Variants in VARS1 observed in about 807,000 individuals in gnomAD.
VARS1 encodes the protein valine--tRNA ligase.
VARS1 carries 92 observed loss-of-function variants against 161.0 expected under a neutral mutation model. The ratio of observed to expected loss-of-function variants is 0.57; its 90% CI spans 0.48 to 0.68. The LOEUF (loss-of-function observed/expected upper bound fraction) is 0.68, where lower values mean the gene tolerates loss of function less well. Among genes scored for constraint, VARS1 ranks in the 30% least tolerant of loss-of-function variants. The pLI is 0.00. For missense variants in VARS1, 1,338 were observed against 1,695.9 expected, an observed-to-expected ratio of 0.79 and a Z score of 3.71; for synonymous variants, 595 against 682.5, an observed-to-expected ratio of 0.87 and a Z score of 2.00.
In VARS1 at chr6:31,791,795, T is replaced by C; in HGVS notation, c.973-58A>G. The C allele has an allele frequency of 6.2e-7, 1 of 1,612,914 alleles. No homozygotes were observed. The highest frequency in any genetic ancestry group is 1.1e-5 in the South Asian group (1 of 91,086). On this transcript the variant is annotated intron_variant, in intron 7 of 29. Coordinates refer to ENST00000375663, the MANE Select transcript of VARS1 (RefSeq NM_006295.3). The surrounding 1 kb of genome is among the most constrained non-coding windows in gnomAD (Gnocchi z 5.0). ...GCCTCAGGTCACCTCTCCCAGCCCCTCCCAGGCAACACATCCTTCAGTCCT... is the reference window on the plus strand; with the variant it reads ...GCCTCAGGTCACCTCTCCCAGCCCCCCCCAGGCAACACATCCTTCAGTCCT...
At chr6:31,789,455 C>T (rs1015588632) in intron 8 of VARS1, among the ~76,000 whole-genome samples, 1 of 152,102 alleles carries the variant, frequency 6.6e-6, no homozygotes, top group Non-Finnish European at 1.5e-5. Context: ...TTAGGCAACC[C>T]TAATGCTCAG....
chr6:31,792,280 T>C lies in VARS1; in HGVS notation c.808A>G (p.Arg270Gly), dbSNP rs778150970. 6.2e-7 allele frequency: 1 copy of C among 1,613,906 alleles called. No homozygotes were observed. Among genetic ancestry groups the C allele is most frequent in the South Asian group, 1.1e-5 (1 of 91,064 alleles). ...ATGACCCCAGGATCCCGTTTCTCCC[T>C]CTTCTCTGGTTTTGGTTTCTTCTGC... ...PGEKKPKPEKREKRDPGVITY... is the reference protein window; with the variant it reads ...PGEKKPKPEKGEKRDPGVITY... The change falls in exon 6 of 30, where the codon AGG becomes GGG. Residue 270 changes from arginine (R) to glycine (G), a missense_variant. By Grantham distance (125) the Arg-to-Gly change is moderately radical. Coordinates refer to ENST00000375663, the MANE Select transcript of VARS1 (RefSeq NM_006295.3).
At position 31,780,025 on chromosome 6, in the gene VARS1, C is replaced by A. The variant is rs1813027987; in HGVS notation, c.3054G>T (p.Trp1018Cys). The change falls in exon 26 of 30, where the codon TGG becomes TGT. Residue 1018 changes from tryptophan (W) to cysteine (C), a missense_variant. Coordinates refer to ENST00000375663, the MANE Select transcript of VARS1 (RefSeq NM_006295.3). This position sits in a 1 kb window ranked among gnomAD's most constrained non-coding sequence, Gnocchi z 5.1. ...PAVTTAQYSFWLYELCDVYLE... is the reference protein window; with the variant it reads ...PAVTTAQYSFCLYELCDVYLE... ...AGTAGACATCACAGAGCTCATAGAG[C>A]CAGAAGCTGTACTGGGCAGTGGTGA... 6.2e-7 allele frequency: 1 copy of A among 1,613,922 alleles called. No homozygotes were observed. The highest frequency in any genetic ancestry group is 8.5e-7 in the Non-Finnish European group (1 of 1,180,026).
At position 31,782,639 on chromosome 6, in the gene VARS1, T is replaced by C; in HGVS notation, c.1888-6A>G. 6.2e-7 allele frequency: 1 copy of C among 1,612,984 alleles called. No individual in the cohort carries two copies. Among genetic ancestry groups the C allele is most frequent in the Non-Finnish European group, 8.5e-7 (1 of 1,180,000 alleles). On this transcript the variant is annotated splice_region_variant and splice_polypyrimidine_tract_variant and intron_variant, in intron 15 of 29. Transcript: ENST00000375663. The surrounding 1 kb of genome is among the most constrained non-coding windows in gnomAD (Gnocchi z 8.3). ...GCCTCAAACCTGGGCAGGCCCTGGG[T>C]AGGAATGAGGCCTCATCATGGCGAT...
In VARS1 at chr6:31,791,731, T is replaced by C; in HGVS notation, c.979A>G (p.Asn327Asp). 1.2e-6 allele frequency: 2 copies of C among 1,612,972 alleles called. No homozygotes were observed. The highest frequency in any genetic ancestry group is 8.5e-7 in the Non-Finnish European group (1 of 1,179,988). Residue 327 changes from asparagine to aspartate, a missense_variant, in exon 8 of 30, where the codon AAT becomes GAT. Physicochemically the swap from Asn to Asp is conservative, Grantham distance 23. Transcript: ENST00000375663. This position sits in a 1 kb window ranked among gnomAD's most constrained non-coding sequence, Gnocchi z 5.0. ...CCTCGGGGATTTGCTGCTGACACATTAGGACGCTGATGGTGGAGAAGGATG... is the reference window on the plus strand; with the variant it reads ...CCTCGGGGATTTGCTGCTGACACATCAGGACGCTGATGGTGGAGAAGGATG... ...GFFKPEYGRPNVSAANPRGVF... is the reference protein window; with the variant it reads ...GFFKPEYGRPDVSAANPRGVF...
chr6:31,792,592 G>T (rs569263721), intron 4 of VARS1, 76 bp from the exon 5 acceptor site: 1 of 1,607,236 alleles, frequency 6.2e-7, no homozygotes, highest in Non-Finnish European at 8.5e-7. Flanking sequence ...TTCAGATGGG[G>T]TATTTTAGAT....
rs145442830 is a variant in VARS1 at position 31,781,881 on chromosome 6, G to A, written c.2313C>T (p.Phe771=). 22 of 1,612,812 alleles carry A rather than the reference G, an allele frequency of 1.4e-5. No individual in the cohort carries two copies. Among genetic ancestry groups the A allele is most frequent in the South Asian group, 5.5e-5 (5 of 91,086 alleles). ...AEAREKAAKE[F]GVSPDKISLQ... ...GACTGATCTTGTCAGGGGACACTCC[G>A]AACTCCTTGGCTGCCTTCTCCCGGG... The change falls in exon 19 of 30, where the codon TTC becomes TTT. Residue 771 remains phenylalanine (F), a synonymous_variant. Transcript: ENST00000375663. This position sits in a 1 kb window ranked among gnomAD's most constrained non-coding sequence, Gnocchi z 6.8.
Position 31,779,486 on chromosome 6 carries a change from G to A in VARS1, c.3339C>T (p.Ser1113=), listed in dbSNP as rs569673170. 2.1e-5 allele frequency: 34 copies of A among 1,612,766 alleles called. No homozygotes were observed. In the South Asian group the frequency reaches 3.4e-4, roughly 16 times the overall value. The change falls in exon 28 of 30, where the codon AGC becomes AGT. Residue 1113 remains serine, a synonymous_variant. Coordinates refer to ENST00000375663, the MANE Select transcript of VARS1 (RefSeq NM_006295.3). The surrounding 1 kb of genome is among the most constrained non-coding windows in gnomAD (Gnocchi z 9.1). Reference sequence around the variant, plus strand: ...GCAGGGAGCGCACGGCTCGCGTGATGCTTAGCGCCAGCTCAAGGGCGGCTT... The same window carrying A: ...GCAGGGAGCGCACGGCTCGCGTGATACTTAGCGCCAGCTCAAGGGCGGCTT... ...EAEAALELAL[S]ITRAVRSLRA... is the part of the protein sequence containing the mutation.
rs1287489465 is a variant in VARS1, at chr6:31,781,477, G to A, written c.2544+4C>T. On this transcript the variant is annotated splice_donor_region_variant and intron_variant, in intron 21 of 29. Coordinates refer to ENST00000375663, the MANE Select transcript of VARS1 (RefSeq NM_006295.3). The surrounding 1 kb of genome is among the most constrained non-coding windows in gnomAD (Gnocchi z 6.8). Reference sequence around the variant, plus strand: ...CGATGGGAGGGTCTCGGCTGTCTCCGCACCTCTCTAAAGGGCAGCCTGCCC... The same window carrying A: ...CGATGGGAGGGTCTCGGCTGTCTCCACACCTCTCTAAAGGGCAGCCTGCCC... 24 of 1,611,572 alleles carry A rather than the reference G, an allele frequency of 1.5e-5. No homozygotes were observed. The highest frequency in any genetic ancestry group is 2.2e-5 in the East Asian group (1 of 44,854).
intron 8 of VARS1, among the ~76,000 whole-genome samples, chr6:31,789,534 C>T (rs1813730324): frequency 6.6e-6 from 1 of 152,226 alleles, no homozygotes; most frequent in Admixed American, 6.5e-5. Flanking sequence ...CAAAGCCATT[C>T]TGCAGGGCAA....
In VARS1 at chr6:31,791,636, G is replaced by A. The variant is rs770135399; in HGVS notation, c.1074C>T (p.Asn358=). The change falls in exon 8 of 30, where the codon AAC becomes AAT. Residue 358 remains asparagine (N), a synonymous_variant. Transcript: ENST00000375663. The surrounding 1 kb of genome is among the most constrained non-coding windows in gnomAD (Gnocchi z 5.0). ...GSLHLGHALT[N]AIQDSLTRWH... ...ATCGAGTCAGGGAGTCCTGGATGGC[G>A]TTGGTGAGTGCATGGCCCAGGTGCA... 7 of 1,612,686 alleles carry A rather than the reference G, an allele frequency of 4.3e-6. No homozygotes were observed. The highest frequency in any genetic ancestry group is 1.1e-5 in the South Asian group (1 of 91,052).
chr6:31,793,125 C>T lies in VARS1; in HGVS notation c.388-5G>A. The T allele has an allele frequency of 6.3e-7, 1 of 1,585,208 alleles. No homozygotes were observed. Among genetic ancestry groups the T allele is most frequent in the East Asian group, 2.2e-5 (1 of 44,766 alleles). On this transcript the variant is annotated splice_polypyrimidine_tract_variant and splice_region_variant and intron_variant, in intron 2 of 29. Coordinates refer to ENST00000375663, the MANE Select transcript of VARS1 (RefSeq NM_006295.3). Reference sequence around the variant, plus strand: ...GCCCAGGGCCCCCAGCACAGCCTGGCAGGAAGGGGAAGAAGTGTGAGACAA... The same window carrying T: ...GCCCAGGGCCCCCAGCACAGCCTGGTAGGAAGGGGAAGAAGTGTGAGACAA...
rs768919503 is a variant in VARS1, at chr6:31,780,665, G to C, written c.2797+40C>G. 1.2e-6 allele frequency: 2 copies of C among 1,613,910 alleles called. No individual in the cohort carries two copies. The highest frequency in any genetic ancestry group is 1.7e-6 in the Non-Finnish European group (2 of 1,179,812). ...AGAAGAGGGATGGGCCTCACAGAAG[G>C]AGGAAGGAGTGGCTGGGAGGGACGC... On this transcript the variant is annotated intron_variant, in intron 24 of 29. Transcript: ENST00000375663. This position sits in a 1 kb window ranked among gnomAD's most constrained non-coding sequence, Gnocchi z 5.1.
In VARS1 at chr6:31,779,901, T is replaced by C; in HGVS notation, c.3082-87A>G. The C allele has an allele frequency of 6.2e-7, 1 of 1,602,896 alleles. No individual in the cohort carries two copies. The highest frequency in any genetic ancestry group is 8.5e-7 in the Non-Finnish European group (1 of 1,174,046). On this transcript the variant is annotated intron_variant, in intron 26 of 29. Coordinates refer to ENST00000375663, the MANE Select transcript of VARS1 (RefSeq NM_006295.3). The surrounding 1 kb of genome is among the most constrained non-coding windows in gnomAD (Gnocchi z 9.1). ...TGTGAGGACTGGGAAGGGGATGGGTTGGCTTAGGTCTCAAGGCCAACTCTG... is the reference window on the plus strand; with the variant it reads ...TGTGAGGACTGGGAAGGGGATGGGTCGGCTTAGGTCTCAAGGCCAACTCTG...
rs760627207 is a variant in VARS1 at position 31,782,410 on chromosome 6, C to A, written c.2025G>T (p.Arg675=). The A allele has an allele frequency of 6.2e-7, 1 of 1,612,316 alleles. No individual in the cohort carries two copies. The highest frequency in any genetic ancestry group is 1.1e-5 in the South Asian group (1 of 90,966). ...RSKDVVEPLL[R]PQWYVRCGEM... The stretch of plus-strand genomic sequence containing the variant: ...CCCCGCAGCGAACGTACCACTGCGG[C>A]CGCAGCAGAGGCTCTACCACGTCCT... Residue 675 remains arginine, a synonymous_variant, in exon 17 of 30, where the codon CGG becomes CGT. Transcript: ENST00000375663. This position sits in a 1 kb window ranked among gnomAD's most constrained non-coding sequence, Gnocchi z 8.3.
rs762589158 is a variant in VARS1 at position 31,792,827 on chromosome 6, C to A, written c.591G>T (p.Gln197His). The change falls in exon 4 of 30, where the codon CAG becomes CAT. Residue 197 changes from glutamine to histidine, a missense_variant. Physicochemically the swap from Gln to His is conservative, Grantham distance 24 (BLOSUM62 0). Transcript: ENST00000375663. ...CTCCTAGCACGGCTCGGAATTCTGG[C>A]TGCCGGACACACGTGACAAACCAGC... ...VTRWFVTCVR[Q>H]PEFRAVLGEV... is the part of the protein sequence containing the mutation. 6.2e-7 allele frequency: 1 copy of A among 1,614,196 alleles called. No homozygotes were observed. Among genetic ancestry groups the A allele is most frequent in the African/African-American group, 1.3e-5 (1 of 75,048 alleles).
At chr6:31,792,327 C>T in intron 5 of VARS1, 26 bp from the exon 6 acceptor site, 1 of 1,613,864 alleles carries the variant, frequency 6.2e-7, no homozygotes, top group Non-Finnish European at 8.5e-7. Flanking sequence ...AAGACATAGG[C>T]CCAGGCATCA....
chr6:31,781,582 G>A lies in VARS1; in HGVS notation c.2443C>T (p.Pro815Ser), dbSNP rs755517083. 2.5e-6 allele frequency: 4 copies of A among 1,612,894 alleles called. No individual in the cohort carries two copies. Among genetic ancestry groups the A allele is most frequent in the Non-Finnish European group, 2.5e-6 (3 of 1,180,026 alleles). The change falls in exon 21 of 30, where the codon CCC (proline) becomes TCC (serine). Residue 815 changes from proline (P) to serine (S), a missense_variant. Physicochemically the swap from Pro to Ser is moderately conservative, Grantham distance 74. This residue lies in a region of VARS1 where 902 missense variants were observed against 1,090.3 expected (regional missense o/e 0.83). Coordinates refer to ENST00000375663, the MANE Select transcript of VARS1 (RefSeq NM_006295.3). This position sits in a 1 kb window ranked among gnomAD's most constrained non-coding sequence, Gnocchi z 6.8. Reference sequence around the variant, plus strand: ...TGACCGGTCTCCAGCAGTGTCCCGGGGTAGAACACACTCAGGTCTTCTGAC... The same window carrying A: ...TGACCGGTCTCCAGCAGTGTCCCGGAGTAGAACACACTCAGGTCTTCTGAC... ...NQSEDLSVFY[P>S]GTLLETGHDI...
Position 31,792,197 on chromosome 6 carries a change from C to T in VARS1, c.871+20G>A. 1.2e-6 allele frequency: 2 copies of T among 1,611,844 alleles called. No individual in the cohort carries two copies. The highest frequency in any genetic ancestry group is 2.2e-5 in the South Asian group (2 of 90,982). On this transcript the variant is annotated intron_variant, in intron 6 of 29. Transcript: ENST00000375663. ...TTAGAAGGGGCTGCTGAGGGGTGAGCCCCTTCCCACTCCTAGTACCTTTCT... is the reference window on the plus strand; with the variant it reads ...TTAGAAGGGGCTGCTGAGGGGTGAGTCCCTTCCCACTCCTAGTACCTTTCT...
Sources: allele counts gnomAD v4.1 joint callset (sites outside exome capture counted in the v4.1 genomes callset), GRCh38; gene constraint gnomAD v4.1.1; regional missense constraint gnomAD v4.1.1; non-coding constraint Gnocchi (gnomAD v3.1); transcripts MANE v1.5; gene names NCBI Gene and HGNC (gene_info 2026-07-23, HGNC 2026-07-21).